The following BMP5 variants were observed in gnomAD, a reference collection of about 807,000 sequenced individuals.
BMP5 encodes bone morphogenetic protein 5.
In BMP5, 23 loss-of-function variants were observed where a neutral mutation model predicts 46.6. The observed-to-expected ratio is 0.49, with a 90% CI of 0.35 to 0.70. The LOEUF (loss-of-function observed/expected upper bound fraction) is 0.70. Ranked by LOEUF, BMP5 falls within the 30% of genes least tolerant of loss-of-function variation. BMP5 has a pLI of 0.00. For synonymous variants in BMP5, 204 were observed against 191.9 expected, an observed-to-expected ratio of 1.06 and a Z score of -0.52; for missense variants, 545 against 565.6, an observed-to-expected ratio of 0.96 and a Z score of 0.37.
chr6:55,756,472 G>A (rs1035003656), intron 6 of BMP5, among the ~76,000 whole-genome samples: 3 of 151,918 alleles, frequency 2.0e-5, no homozygotes, highest in Admixed American at 6.6e-5. Context: ...TGATCAGACT[G>A]GCAGTCTGCC....
chr6:55,805,770 G>A (rs1159803634), intron 2 of BMP5, among the ~76,000 whole-genome samples: 1 of 152,132 alleles, frequency 6.6e-6, no homozygotes, highest in Non-Finnish European at 1.5e-5. Context: ...TGACTGGTGT[G>A]AGAGATGGTA....
chr6:55,780,676 G>A (rs948754901), intron 3 of BMP5, among the ~76,000 whole-genome samples: 15 of 151,882 alleles, frequency 9.9e-5, no homozygotes, highest in African/African-American at 3.1e-4. Context: ...ATAAAGTGAC[G>A]GGGCTTAGAA....
At chr6:55,847,286 A>G (rs2127547979) in intron 1 of BMP5, among the ~76,000 whole-genome samples, 1 of 152,030 alleles carries the variant, frequency 6.6e-6, no homozygotes, top group South Asian at 2.1e-4. Flanking sequence ...GTCATTCTCA[A>G]CCAGGGCAGT....
intron 1 of BMP5, among the ~76,000 whole-genome samples, chr6:55,843,296 GT>G (rs1314856190): frequency 6.6e-6 from 1 of 151,932 alleles, no homozygotes; most frequent in Non-Finnish European, 1.5e-5. Flanking sequence ...GTTTTTTAAA[GT>G]TTCCTTTAAA....
intron 4 of BMP5, among the ~76,000 whole-genome samples, chr6:55,773,660 T>C (rs1358624151): frequency 6.6e-6 from 1 of 151,958 alleles, no homozygotes; most frequent in African/African-American, 2.4e-5. Context: ...TTCACATGTA[T>C]TGACTTAAGT....
intron 2 of BMP5, among the ~76,000 whole-genome samples, chr6:55,807,576 A>G (rs1474020721): frequency 6.6e-6 from 1 of 152,172 alleles, no homozygotes; most frequent in Non-Finnish European, 1.5e-5. Flanking sequence ...TGCTGGCCCC[A>G]TAAAAGGAAG....
intron 1 of BMP5, among the ~76,000 whole-genome samples, chr6:55,844,465 A>G (rs1207853582): frequency 8.6e-5 from 13 of 151,992 alleles, no homozygotes; most frequent in Admixed American, 7.9e-4. Context: ...ATATTTGTGA[A>G]CTTATTTTTA....
intron 3 of BMP5, among the ~76,000 whole-genome samples, chr6:55,779,869 T>A (rs1436389413): frequency 1.3e-5 from 2 of 151,986 alleles, no homozygotes; most frequent in Non-Finnish European, 2.9e-5. Context: ...TGGTTTACAT[T>A]GCTTTATAAA....
intron 1 of BMP5, among the ~76,000 whole-genome samples, chr6:55,870,320 C>T (rs113649431): frequency 0.01 from 1,537 of 151,944 alleles, 21 homozygotes; most frequent in African/African-American, 0.034. Flanking sequence ...AAAAGAATCC[C>T]GTTGGTCGTG....
chr6:55,801,342 CT>C (rs1775844982), intron 2 of BMP5, among the ~76,000 whole-genome samples: 1 of 152,200 alleles, frequency 6.6e-6, no homozygotes, highest in Non-Finnish European at 1.5e-5. Context: ...CCCACTAATT[CT>C]CCCTATTTAG....
intron 2 of BMP5, among the ~76,000 whole-genome samples, chr6:55,800,889 C>A (rs985765474): frequency 6.6e-6 from 1 of 152,146 alleles, no homozygotes; most frequent in Non-Finnish European, 1.5e-5. Context: ...AATATCAGCT[C>A]CCTTTACTCC....
chr6:55,826,182 G>A (rs1488852688), intron 1 of BMP5, among the ~76,000 whole-genome samples: 1 of 151,720 alleles, frequency 6.6e-6, no homozygotes, highest in Non-Finnish European at 1.5e-5. Flanking sequence ...CCAGATTCCA[G>A]AAGTCTTAAG....
rs73453340 is a variant in BMP5 at position 55,758,678 on chromosome 6, A to G, written c.1215+327T>C. Reference sequence around the variant, plus strand: ...ACTCAATGTTTTTGCAATGATTACTAATGAATTGCTAGGTTAGAAACAGCC... The same window carrying G: ...ACTCAATGTTTTTGCAATGATTACTGATGAATTGCTAGGTTAGAAACAGCC... On this transcript the variant is annotated intron_variant, in intron 6 of 6. Coordinates refer to ENST00000370830, the MANE Select transcript of BMP5 (RefSeq NM_021073.4). 7.0e-3 allele frequency among the ~76,000 whole-genome samples: 1,059 copies of G among 152,010 alleles called. 20 individuals carry two copies. Among genetic ancestry groups the G allele is most frequent in the African/African-American group, 0.024 (995 of 41,540 alleles).
intron 1 of BMP5, among the ~76,000 whole-genome samples, chr6:55,833,362 C>A (rs559790400): frequency 1.3e-5 from 2 of 152,204 alleles, no homozygotes; most frequent in Non-Finnish European, 1.5e-5. Context: ...TAAGGCATGA[C>A]TTTGAAAACA....
chr6:55,783,981 C>G (rs1268593946), intron 3 of BMP5, among the ~76,000 whole-genome samples: 1 of 151,856 alleles, frequency 6.6e-6, no homozygotes, highest in East Asian at 1.9e-4. Context: ...TACTTTAAAT[C>G]AATAATTTTA....
In BMP5 at chr6:55,819,760, A is replaced by T; in HGVS notation, c.578T>A (p.Val193Glu). ...GTATATCCGGAATTCAGCTGCTGTC[A>T]CTGCCTCTCCATGAGGAATTTGGGT... ...DLTQIPHGEA[V>E]TAAEFRIYKD... is the part of the protein sequence containing the mutation. The change falls in exon 2 of 7, where the codon GTG becomes GAG. Residue 193 changes from valine (V) to glutamate (E), a missense_variant. Coordinates refer to ENST00000370830, the MANE Select transcript of BMP5 (RefSeq NM_021073.4). 3.1e-6 allele frequency: 5 copies of T among 1,613,692 alleles called. No homozygotes were observed. The highest frequency in any genetic ancestry group is 4.2e-6 in the Non-Finnish European group (5 of 1,179,762).
chr6:55,856,536 G>A (rs1777403320), intron 1 of BMP5, among the ~76,000 whole-genome samples: 1 of 152,014 alleles, frequency 6.6e-6, no homozygotes, highest in African/African-American at 2.4e-5. Context: ...TGACGCACTT[G>A]GTTTTCTGAG....
chr6:55,872,108 A>G (rs914345711), intron 1 of BMP5, among the ~76,000 whole-genome samples: 2 of 151,800 alleles, frequency 1.3e-5, no homozygotes, highest in Non-Finnish European at 3.0e-5. Context: ...TTATAAAAGA[A>G]ATGCAAAAGT....
chr6:55,804,681 T>C lies in BMP5; in HGVS notation c.684-10254A>G, dbSNP rs117245712. Among the ~76,000 whole-genome samples, 18 of 152,216 alleles carry C rather than the reference T, an allele frequency of 1.2e-4. No homozygotes were observed. In the East Asian group the frequency reaches 3.5e-3, roughly 29 times the overall value. ...GTAGATGACTAGTTGAGTGGAGTTA[T>C]GAAAATCAAATTACAGTGCATTGAG... On this transcript the variant is annotated intron_variant, in intron 2 of 6. Coordinates refer to ENST00000370830, the MANE Select transcript of BMP5 (RefSeq NM_021073.4).
Sources: allele counts gnomAD v4.1 joint callset (sites outside exome capture counted in the v4.1 genomes callset), GRCh38; gene constraint gnomAD v4.1.1; transcripts MANE v1.5; gene names NCBI Gene and HGNC (gene_info 2026-07-23, HGNC 2026-07-21).